NEDD9: variants seen among roughly 807,000 people sequenced by gnomAD.
NEDD9 encodes neural precursor cell expressed, developmentally down-regulated 9.
NEDD9 carries 26 observed loss-of-function variants against 76.6 expected under a neutral mutation model. The ratio of observed to expected loss-of-function variants is 0.34; its 90% CI spans 0.25 to 0.47. The LOEUF (loss-of-function observed/expected upper bound fraction) is 0.47, where lower values mean the gene tolerates loss of function less well. NEDD9 is among the 20% of genes least tolerant of loss of function. The probability of loss-of-function intolerance (pLI) is 1.00; values close to 1 mark genes in which losing one functional copy is unlikely to be tolerated. For missense variants in NEDD9, 937 were observed against 1,058.5 expected (o/e 0.89, Z 1.59); for synonymous variants, 392 against 414.2 (o/e 0.95, Z 0.65).
Position 11,190,430 on chromosome 6 carries a change from A to C in NEDD9, c.1439T>G (p.Ile480Ser). 1 of 1,614,110 alleles carries C rather than the reference A, an allele frequency of 6.2e-7. No homozygotes were observed. The highest frequency in any genetic ancestry group is 8.5e-7 in the Non-Finnish European group (1 of 1,180,014). The change falls in exon 5 of 7, where the codon ATC (isoleucine) becomes AGC (serine). Residue 480 changes from isoleucine (I) to serine (S), a missense_variant. Physicochemically the swap from Ile to Ser is moderately radical, Grantham distance 142 (BLOSUM62 -2). Coordinates refer to ENST00000379446, the MANE Select transcript of NEDD9 (RefSeq NM_006403.4). This position sits in a 1 kb window ranked among gnomAD's most constrained non-coding sequence, Gnocchi z 5.8. Reference protein sequence around the residue: ...VANAACLPELILHNKMKRELQ... With the variant: ...VANAACLPELSLHNKMKRELQ... ...CTCCCGCTTCATCTTGTTGTGGAGG[A>C]TGAGTTCCGGGAGGCAGGCAGCATT...
At chr6:11,314,605 G>A (rs1351389902) in intron 2 of NEDD9, among the ~76,000 whole-genome samples, 4 of 152,154 alleles carry the variant, frequency 2.6e-5, no homozygotes, top group Non-Finnish European at 5.9e-5. Flanking sequence ...TTCCTACACT[G>A]AGGCTTGTGG....
intron 3 of NEDD9, among the ~76,000 whole-genome samples, chr6:11,262,224 G>A (rs143558328): frequency 7.6e-4 from 116 of 152,314 alleles, no homozygotes; most frequent in Non-Finnish European, 1.4e-3. Flanking sequence ...GATCGCCAGG[G>A]AAGCAGAGGA....
Position 11,210,793 on chromosome 6 carries a change from T to TAGAA in NEDD9, c.459+2484_459+2487dup, listed in dbSNP as rs1181097071. 2.4e-3 allele frequency among the ~76,000 whole-genome samples: 184 copies of TAGAA among 77,402 alleles called. 1 individual carries two copies. The highest frequency in any genetic ancestry group is 8.7e-3 in the African/African-American group (178 of 20,428). The allele number at this position is 77,402 out of a possible 152,430, so 50.8% of individuals were successfully genotyped here. ...AGAGAGAGAGAGAGAGAGAGAGAGA[T>TAGAA]AGAAAAGAGAAGTGAGGAAGGGAGT... is the stretch of plus-strand genomic sequence containing the variant. On this transcript the variant is annotated intron_variant, in intron 2 of 6. Transcript: ENST00000379446.
intron 3 of NEDD9, among the ~76,000 whole-genome samples, chr6:11,274,020 C>A (rs185823149): frequency 4.6e-5 from 7 of 152,274 alleles, no homozygotes; most frequent in African/African-American, 1.7e-4. Flanking sequence ...GAACATGCTA[C>A]GAGATACTGT....
chr6:11,240,961 G>A (rs977510720), intron 3 of NEDD9, among the ~76,000 whole-genome samples: 1 of 152,330 alleles, frequency 6.6e-6, no homozygotes, highest in South Asian at 2.1e-4. Flanking sequence ...GCCTGGCAAA[G>A]CCTCTCTCTC....
At chr6:11,345,453 GGT>G (rs908227861) in intron 1 of NEDD9, among the ~76,000 whole-genome samples, 1 of 151,538 alleles carries the variant, frequency 6.6e-6, no homozygotes, top group Non-Finnish European at 1.5e-5. Context: ...CAAGACAGCA[GGT>G]GAGAGAGAGA....
At chr6:11,331,346 A>G (rs967567645) in intron 2 of NEDD9, among the ~76,000 whole-genome samples, 2 of 132,436 alleles carry the variant, frequency 1.5e-5, no homozygotes, top group African/African-American at 5.6e-5. Flanking sequence ...TCCTCCACAA[A>G]TCATGAGTTT....
At chr6:11,237,431 C>T (rs780890814), upstream of NEDD9, among the ~76,000 whole-genome samples, 1 of 152,106 alleles carries the variant, frequency 6.6e-6, no homozygotes, top group Admixed American at 6.5e-5. This position sits in a 1 kb window ranked among gnomAD's most constrained non-coding sequence, Gnocchi z 4.9. Context: ...CATATTCCCC[C>T]GTGTGTTTGA....
chr6:11,260,466 G>C (rs544139294), intron 3 of NEDD9, among the ~76,000 whole-genome samples: 17 of 152,320 alleles, frequency 1.1e-4, no homozygotes, highest in African/African-American at 4.1e-4. Flanking sequence ...GGGGTTAATA[G>C]TATATATTTC....
chr6:11,272,694 A>G (rs893817395), intron 3 of NEDD9, among the ~76,000 whole-genome samples: 1 of 152,064 alleles, frequency 6.6e-6, no homozygotes, highest in African/African-American at 2.4e-5. Flanking sequence ...GTGTGCACAG[A>G]CCCTGGAGGT....
chr6:11,346,922 C>T (rs532206200), intron 1 of NEDD9, among the ~76,000 whole-genome samples: 6 of 152,096 alleles, frequency 3.9e-5, no homozygotes, highest in Non-Finnish European at 8.8e-5. Flanking sequence ...AAAGGTCAGC[C>T]AGCTTCTCCT....
At chr6:11,249,026 C>T (rs1373699157) in intron 3 of NEDD9, 1 of 427,400 alleles carries the variant, frequency 2.3e-6, no homozygotes, top group Non-Finnish European at 4.7e-6. Context: ...CACCAGTTTT[C>T]ATCCCCATGA....
At position 11,185,432 on chromosome 6, in the gene NEDD9, G is replaced by C; in HGVS notation, c.2235C>G (p.His745Gln). The C allele has an allele frequency of 1.9e-6, 3 of 1,614,252 alleles. No individual in the cohort carries two copies. In the South Asian group the frequency reaches 3.3e-5, roughly 18 times the overall value. ...SAQPPRIFVAHSKFVILSAHK... is the reference protein window; with the variant it reads ...SAQPPRIFVAQSKFVILSAHK... Reference sequence around the variant, plus strand: ...GTGCACTGAGGATGACAAACTTGCTGTGTGCCACGAAGATTCGCGGGGGCT... The same window carrying C: ...GTGCACTGAGGATGACAAACTTGCTCTGTGCCACGAAGATTCGCGGGGGCT... The change falls in exon 7 of 7, where the codon CAC becomes CAG. Residue 745 changes from histidine (H) to glutamine (Q), a missense_variant. His to Gln is a conservative substitution (Grantham distance 24). Coordinates refer to ENST00000379446, the MANE Select transcript of NEDD9 (RefSeq NM_006403.4).
intron 2 of NEDD9, among the ~76,000 whole-genome samples, chr6:11,207,727 G>T (rs1468872144): frequency 6.6e-6 from 1 of 152,192 alleles, no homozygotes; most frequent in East Asian, 1.9e-4. Context: ...GGGACCATAG[G>T]GAAGGGAGAA....
At chr6:11,196,792 T>C (rs1336517300) in intron 2 of NEDD9, among the ~76,000 whole-genome samples, 1 of 151,622 alleles carries the variant, frequency 6.6e-6, no homozygotes, top group African/African-American at 2.4e-5. Context: ...TGCAAAATGC[T>C]GGTCCCATTT....
intron 3 of NEDD9, among the ~76,000 whole-genome samples, chr6:11,270,624 C>G (rs993307627): frequency 4.6e-5 from 7 of 152,218 alleles, no homozygotes; most frequent in Non-Finnish European, 1.0e-4. Context: ...TCCCCAGCAG[C>G]CTCACGTCCG....
At chr6:11,307,109 G>A (rs1761207125) in intron 2 of NEDD9, among the ~76,000 whole-genome samples, 1 of 152,328 alleles carries the variant, frequency 6.6e-6, no homozygotes, top group Non-Finnish European at 1.5e-5. Context: ...GTAAGAGGTT[G>A]TTTTAAAAGG....
At chr6:11,330,595 T>C (rs571713886) in intron 2 of NEDD9, among the ~76,000 whole-genome samples, 44 of 152,282 alleles carry the variant, frequency 2.9e-4, no homozygotes, top group African/African-American at 1.1e-3. Flanking sequence ...CAGACTCATG[T>C]CTGTGAAAAC....
chr6:11,376,871 G>A (rs1009634280), intron 1 of NEDD9, among the ~76,000 whole-genome samples: 4 of 152,222 alleles, frequency 2.6e-5, no homozygotes, highest in Admixed American at 1.3e-4. Flanking sequence ...AGAGGCTTAG[G>A]AGAAAAGAAT....
Sources: allele counts gnomAD v4.1 joint callset (sites outside exome capture counted in the v4.1 genomes callset), GRCh38; gene constraint gnomAD v4.1.1; non-coding constraint Gnocchi (gnomAD v3.1); transcripts MANE v1.5; gene names NCBI Gene and HGNC (gene_info 2026-07-23, HGNC 2026-07-21).